Variants in CMIP observed in about 807,000 individuals in gnomAD.
CMIP encodes c-Maf inducing protein, also known as C-Maf-inducing protein.
A neutral mutation model predicts 97.3 loss-of-function variants in CMIP; 13 were observed. The ratio of observed to expected loss-of-function variants is 0.13; its 90% CI spans 0.09 to 0.21. The LOEUF (loss-of-function observed/expected upper bound fraction) is 0.21, where lower values mean the gene tolerates loss of function less well. Ranked by LOEUF, CMIP falls within the 10% of genes least tolerant of loss-of-function variation. The pLI is 1.00. For synonymous variants in CMIP, 538 were observed against 436.3 expected (o/e 1.23, Z -2.91); for missense variants, 847 against 1,024.9 (o/e 0.83, Z 2.37).
At chr16:81,697,436 G>C (rs60870546) in intron 14 of CMIP, 13,179 of 152,266 alleles carry the variant, frequency 0.087, 587 homozygotes, top group East Asian at 0.16. Flanking sequence ...CAGCCTCGCC[G>C]ACTCCACTTG....
At chr16:81,604,358 T>G (rs1197152517) in intron 1 of CMIP, among the ~76,000 whole-genome samples, 1 of 144,718 alleles carries the variant, frequency 6.9e-6, no homozygotes, top group Admixed American at 7.0e-5. Flanking sequence ...AATGCACCAT[T>G]GTACTCCAGT....
intron 7 of CMIP, chr16:81,664,892 C>T (rs1258323453): frequency 1.8e-5 from 3 of 166,450 alleles, no homozygotes; most frequent in Non-Finnish European, 3.8e-5. Context: ...TCCCAGTAAC[C>T]CATCACCCCA....
intron 1 of CMIP, among the ~76,000 whole-genome samples, chr16:81,549,793 C>T (rs2090617285): frequency 6.6e-6 from 1 of 152,196 alleles, no homozygotes; most frequent in Non-Finnish European, 1.5e-5. Context: ...CCTCTGAAGG[C>T]AACTGCGCGT....
intron 10 of CMIP, among the ~76,000 whole-genome samples, chr16:81,684,272 C>T (rs1023393992): frequency 2.6e-5 from 4 of 152,254 alleles, no homozygotes; most frequent in Admixed American, 2.0e-4. Context: ...TTCAAATCCC[C>T]GAGCTAGCTG....
At chr16:81,687,953 C>T (rs1027802500) in intron 10 of CMIP, among the ~76,000 whole-genome samples, 2 of 152,260 alleles carry the variant, frequency 1.3e-5, no homozygotes, top group South Asian at 4.1e-4. Context: ...GGACTCAGCA[C>T]ACAGGGTCCT....
chr16:81,651,581 A>C (rs757464142), intron 3 of CMIP, among the ~76,000 whole-genome samples: 14 of 152,316 alleles, frequency 9.2e-5, no homozygotes, highest in Non-Finnish European at 1.6e-4. Flanking sequence ...CCTGTCTTCA[A>C]GCGACCTCTT....
chr16:81,473,290 A>G (rs933764205), intron 1 of CMIP, among the ~76,000 whole-genome samples: 2 of 152,144 alleles, frequency 1.3e-5, no homozygotes, highest in East Asian at 1.9e-4. Context: ...TGCATTCCTC[A>G]TGAGGGAATG....
At chr16:81,549,163 A>C (rs2090606105) in intron 1 of CMIP, among the ~76,000 whole-genome samples, 1 of 152,206 alleles carries the variant, frequency 6.6e-6, no homozygotes, top group Non-Finnish European at 1.5e-5. Context: ...TCAGTCAACA[A>C]ACCAGACCCT....
At chr16:81,581,153 T>C (rs1237288155) in intron 1 of CMIP, among the ~76,000 whole-genome samples, 1 of 152,244 alleles carries the variant, frequency 6.6e-6, no homozygotes, top group Admixed American at 6.5e-5. Context: ...GTATGTATCA[T>C]TTTTCTTTCT....
At chr16:81,684,665 C>T (rs1905205176) in intron 10 of CMIP, among the ~76,000 whole-genome samples, 1 of 152,242 alleles carries the variant, frequency 6.6e-6, no homozygotes, top group Non-Finnish European at 1.5e-5. Context: ...ACCTCCGTTT[C>T]TCATCTGTGA....
intron 1 of CMIP, among the ~76,000 whole-genome samples, chr16:81,530,724 T>C (rs1409409906): frequency 6.6e-6 from 1 of 152,168 alleles, no homozygotes; most frequent in Admixed American, 6.5e-5. Flanking sequence ...AGTGGAAATG[T>C]CACCGAGTGT....
chr16:81,489,963 C>T (rs866204966), intron 1 of CMIP, among the ~76,000 whole-genome samples: 1 of 152,188 alleles, frequency 6.6e-6, no homozygotes, highest in South Asian at 2.1e-4. Flanking sequence ...TTTCCGGCCA[C>T]CGGGATTCTT....
At position 81,711,705 on chromosome 16, in the gene CMIP, G is replaced by C; in HGVS notation, c.*1906G>C. ...TGGTTAATACTACTGTCACGTAGCTGTGTACAAAGAGATGTGAAATACTTT... is the reference window on the plus strand; with the variant it reads ...TGGTTAATACTACTGTCACGTAGCTCTGTACAAAGAGATGTGAAATACTTT... On this transcript the variant is annotated 3_prime_UTR_variant, in exon 21 of 21. Coordinates refer to ENST00000537098, the MANE Select transcript of CMIP (RefSeq NM_198390.3). The C allele has an allele frequency of 6.6e-6, 1 of 152,244 alleles. No homozygotes were observed. The allele number at this position is 152,244 out of a possible 1,614,324, so 9.4% of individuals were successfully genotyped here. A position where few individuals can be genotyped will look rare whatever the true frequency, so the allele number is the denominator to read the frequency against.
chr16:81,643,361 C>T (rs924486088), intron 3 of CMIP, among the ~76,000 whole-genome samples: 1 of 152,196 alleles, frequency 6.6e-6, no homozygotes, highest in Non-Finnish European at 1.5e-5. Flanking sequence ...TTGGTAGTTG[C>T]CCAGGGGCTG....
At chr16:81,447,972 A>G (rs1203257486) in intron 1 of CMIP, among the ~76,000 whole-genome samples, 1 of 152,216 alleles carries the variant, frequency 6.6e-6, no homozygotes, top group Non-Finnish European at 1.5e-5. Context: ...TGAGGCCTGG[A>G]CATTATGTAA....
intron 3 of CMIP, among the ~76,000 whole-genome samples, chr16:81,644,499 C>T (rs141084116): frequency 6.6e-6 from 1 of 152,240 alleles, no homozygotes; most frequent in East Asian, 1.9e-4. Context: ...GGGTAACACC[C>T]ATGGGACAGT....
At chr16:81,574,296 C>G (rs1158691155) in intron 1 of CMIP, among the ~76,000 whole-genome samples, 2 of 142,570 alleles carry the variant, frequency 1.4e-5, no homozygotes, top group Non-Finnish European at 3.1e-5. Flanking sequence ...CTTGGCCACC[C>G]TGCCACCTCT....
intron 10 of CMIP, among the ~76,000 whole-genome samples, chr16:81,691,456 A>T (rs1906062649): frequency 6.6e-6 from 1 of 151,850 alleles, no homozygotes; most frequent in Admixed American, 6.6e-5. Flanking sequence ...AGCCTAAAAC[A>T]CCCCCTAATG....
At position 81,601,625 on chromosome 16, in the gene CMIP, C is replaced by T. The variant is rs944694465; in HGVS notation, c.301-5942C>T. ...GGAAACAGGCAGAGGTGAAGTATCT[C>T]TTCCTGGTCTGGCAAATGCAGGATC... On this transcript the variant is annotated intron_variant, in intron 1 of 20. Transcript: ENST00000537098. Among the ~76,000 whole-genome samples the T allele has an allele frequency of 5.3e-5, 8 of 152,318 alleles. No individual in the cohort carries two copies. The East Asian group carries it at 7.7e-4, about 15-fold the overall frequency.
Sources: allele counts gnomAD v4.1 joint callset (sites outside exome capture counted in the v4.1 genomes callset), GRCh38; gene constraint gnomAD v4.1.1; transcripts MANE v1.5; gene names NCBI Gene and HGNC (gene_info 2026-07-23, HGNC 2026-07-21).